Variants in VDAC2 observed in about 807,000 individuals in gnomAD.
The protein encoded by VDAC2 is non-selective voltage-gated ion channel VDAC2.
A neutral mutation model predicts 36.6 loss-of-function variants in VDAC2; 6 were observed. The ratio of observed to expected loss-of-function variants is 0.16; its 90% CI spans 0.09 to 0.32. The LOEUF (loss-of-function observed/expected upper bound fraction) is 0.32. VDAC2 is among the 10% of genes least tolerant of loss of function. VDAC2 has a pLI of 1.00. For synonymous variants in VDAC2, 109 were observed against 123.8 expected (o/e 0.88, Z 0.79); for missense variants, 247 against 346.0 (o/e 0.71, Z 2.27).
At chr10:75,223,087 T>A (rs1841863498) in intron 8 of VDAC2, among the ~76,000 whole-genome samples, 1 of 151,456 alleles carries the variant, frequency 6.6e-6, no homozygotes, top group African/African-American at 2.4e-5. Flanking sequence ...TTCAAGCAGC[T>A]CTTCTGCCTC....
chr10:75,221,069 CAT>C (rs775891722), intron 7 of VDAC2, 99 bp downstream of exon 7: 22 of 1,256,796 alleles, frequency 1.8e-5, no homozygotes, highest in East Asian at 1.7e-4. Flanking sequence ...AAGGATTTCT[CAT>C]AACATTTAAA....
chr10:75,227,576 A>AGTT (rs1841989654), intron 8 of VDAC2, among the ~76,000 whole-genome samples: 1 of 90,770 alleles, frequency 1.1e-5, no homozygotes, highest in African/African-American at 5.4e-5. Context: ...AAATAATAGG[A>AGTT]ATTTTTTTTT....
At chr10:75,230,488 G>A (rs994041803) in intron 9 of VDAC2, among the ~76,000 whole-genome samples, 83 of 152,140 alleles carry the variant, frequency 5.5e-4, no homozygotes, top group African/African-American at 1.7e-3. Context: ...TACCATTGTC[G>A]CATCTAAGAA....
At chr10:75,219,277 AAAC>A (rs760494611) in intron 5 of VDAC2, 24 bp from the exon 6 acceptor site, 13 of 1,572,414 alleles carry the variant, frequency 8.3e-6, no homozygotes, top group South Asian at 4.9e-5. Context: ...CAAAAAAAGA[AAAC>A]AAATTACTTT....
At position 75,219,022 on chromosome 10, in the gene VDAC2, G is replaced by A. The variant is rs570601133; in HGVS notation, c.151-41G>A. On this transcript the variant is annotated intron_variant, in intron 4 of 9. Coordinates refer to ENST00000332211, the MANE Select transcript of VDAC2 (RefSeq NM_001391963.1). ...TGTGTAAGGCAGTGATGAATTCTAG[G>A]CTTATGAGAATGTTCATGAAGTTAT... The A allele has an allele frequency of 1.5e-5, 24 of 1,586,456 alleles. No homozygotes were observed. The South Asian group carries it at 2.7e-4, about 18-fold the overall frequency.
intron 4 of VDAC2, chr10:75,217,911 C>T (rs1297248742): frequency 7.8e-7 from 1 of 1,287,698 alleles, no homozygotes; most frequent in African/African-American, 1.5e-5. Context: ...TGGCTGTAGT[C>T]TCTTTATTAT....
Position 75,211,550 on chromosome 10 carries a change from G to C in VDAC2, c.31+361G>C, listed in dbSNP as rs138106460. 286 of 1,550,246 alleles carry C rather than the reference G, an allele frequency of 1.8e-4. 1 individual carries two copies. Among genetic ancestry groups the C allele is most frequent in the Non-Finnish European group, 1.3e-4 (148 of 1,146,888 alleles). On this transcript the variant is annotated intron_variant, in intron 2 of 9. Transcript: ENST00000332211. ...GTGAGAGCGCAAGGTCATTACTTGTGCTCCTAAGGGCGTGGACGTGCTTTG... is the reference window on the plus strand; with the variant it reads ...GTGAGAGCGCAAGGTCATTACTTGTCCTCCTAAGGGCGTGGACGTGCTTTG...
intron 8 of VDAC2, among the ~76,000 whole-genome samples, chr10:75,227,894 C>A (rs138962233): frequency 0.075 from 10,849 of 144,616 alleles, 540 homozygotes; most frequent in Middle Eastern, 0.14. Flanking sequence ...TTCTTTCTTT[C>A]TTTCTTTTTT....
At chr10:75,217,595 C>T (rs113700954) in intron 4 of VDAC2, among the ~76,000 whole-genome samples, 98 of 152,280 alleles carry the variant, frequency 6.4e-4, no homozygotes, top group African/African-American at 2.2e-3. Context: ...CTAGGCTGGT[C>T]TCAAACTCCC....
intron 4 of VDAC2, among the ~76,000 whole-genome samples, chr10:75,216,058 A>G (rs2132258471): frequency 6.6e-6 from 1 of 152,348 alleles, no homozygotes; most frequent in South Asian, 2.1e-4. Context: ...CATTGATCAT[A>G]TCTGTCGCTT....
intron 3 of VDAC2, among the ~76,000 whole-genome samples, chr10:75,213,220 A>G (rs1841485386): frequency 6.6e-6 from 1 of 150,818 alleles, no homozygotes; most frequent in African/African-American, 2.4e-5. Flanking sequence ...CTGGGATTAC[A>G]GGCACATGCC....
intron 2 of VDAC2, chr10:75,211,464 G>A (rs2132248626): frequency 1.3e-6 from 2 of 1,503,638 alleles, no homozygotes; most frequent in East Asian, 5.0e-5. Context: ...TTGTTAATTG[G>A]GGATTCTGCC....
chr10:75,216,445 T>C (rs958813928), intron 4 of VDAC2, among the ~76,000 whole-genome samples: 5 of 152,228 alleles, frequency 3.3e-5, no homozygotes, highest in South Asian at 2.1e-4. Context: ...GGATTAGATA[T>C]AGCATGTTTT....
intron 4 of VDAC2, among the ~76,000 whole-genome samples, chr10:75,218,839 T>A (rs1040777404): frequency 6.6e-6 from 1 of 152,156 alleles, no homozygotes; most frequent in African/African-American, 2.4e-5. Flanking sequence ...AAGTGTCAGC[T>A]GTGTATGTAA....
intron 4 of VDAC2, chr10:75,217,916 T>C (rs780933653): frequency 2.2e-5 from 28 of 1,288,628 alleles, no homozygotes; most frequent in Non-Finnish European, 2.7e-5. Flanking sequence ...GTAGTCTCTT[T>C]ATTATTTTCA....
intron 8 of VDAC2, among the ~76,000 whole-genome samples, chr10:75,224,767 A>C (rs1841908032): frequency 6.6e-6 from 1 of 152,208 alleles, no homozygotes; most frequent in Non-Finnish European, 1.5e-5. Flanking sequence ...GCCACCTTGC[A>C]AGGGTAAAAA....
intron 8 of VDAC2, among the ~76,000 whole-genome samples, chr10:75,227,758 T>C (rs561589191): frequency 6.6e-6 from 1 of 151,298 alleles, no homozygotes; most frequent in East Asian, 2.0e-4. Context: ...GGCTAATTTT[T>C]GTAGTTTTAG....
chr10:75,226,685 A>G (rs926621001), intron 8 of VDAC2, among the ~76,000 whole-genome samples: 3 of 151,658 alleles, frequency 2.0e-5, no homozygotes, highest in African/African-American at 4.8e-5. Context: ...TGGGTCTCCA[A>G]CCCCTGACCT....
chr10:75,218,094 A>AC (rs904923917), intron 4 of VDAC2: 3 of 408,778 alleles, frequency 7.3e-6, no homozygotes, highest in African/African-American at 6.4e-5. Flanking sequence ...GTCTCAAAAA[A>AC]AAAAAAAAAA....
Sources: gnomAD v4.1 joint callset for allele counts (sites outside exome capture counted in the v4.1 genomes callset) on GRCh38, gnomAD v4.1.1 for gene constraint, MANE v1.5 for transcripts, NCBI Gene and HGNC (gene_info 2026-07-23, HGNC 2026-07-21) for gene names.